CFAP52: variants seen among roughly 807,000 people sequenced by gnomAD.
The protein encoded by CFAP52 is cilia and flagella associated protein 52.
Under a neutral mutation model 70.5 loss-of-function variants are expected in CFAP52, and 57 were observed. The ratio of observed to expected loss-of-function variants is 0.81; its 90% CI spans 0.65 to 1.01. CFAP52 has a LOEUF of 1.01. CFAP52 is among the 50% of genes least tolerant of loss of function. The probability of loss-of-function intolerance (pLI) is 0.00; values close to 1 mark genes in which losing one functional copy is unlikely to be tolerated. For synonymous variants in CFAP52, 267 were observed against 292.5 expected, an observed-to-expected ratio of 0.91 and a Z score of 0.89; for missense variants, 785 against 788.5, an observed-to-expected ratio of 1.00 and a Z score of 0.05.
intron 1 of CFAP52, among the ~76,000 whole-genome samples, chr17:9,581,113 G>C (rs907200913): frequency 2.2e-4 from 33 of 152,164 alleles, no homozygotes; most frequent in African/African-American, 8.0e-4. Context: ...TCAGGAGATG[G>C]AAACCATCCT....
At chr17:9,641,909 G>A (rs72820038) in intron 13 of CFAP52, 74 bp downstream of exon 13, 22,084 of 1,349,330 alleles carry the variant, frequency 0.016, 231 homozygotes, top group Non-Finnish European at 0.02. Context: ...CCAGGCTAGA[G>A]GCAATTGGAA....
chr17:9,580,211 T>C (rs1295884950), intron 1 of CFAP52, among the ~76,000 whole-genome samples: 1 of 152,178 alleles, frequency 6.6e-6, no homozygotes, highest in African/African-American at 2.4e-5. Context: ...TGCCCATTTG[T>C]TTATGTATTG....
At chr17:9,584,388 G>A (rs1486941362) in intron 1 of CFAP52, 1 of 1,265,266 alleles carries the variant, frequency 7.9e-7, no homozygotes, top group Non-Finnish European at 1.0e-6. Flanking sequence ...ACTCAGAACT[G>A]AAACCGAAAG....
At chr17:9,594,597 T>C in intron 4 of CFAP52, 1 of 241,174 alleles carries the variant, frequency 4.1e-6, no homozygotes, top group East Asian at 1.0e-4. Flanking sequence ...CTCCAATCCA[T>C]GCTCACAGAA....
chr17:9,584,914 G>A (rs2151927218), intron 1 of CFAP52, among the ~76,000 whole-genome samples: 1 of 152,286 alleles, frequency 6.6e-6, no homozygotes, highest in Non-Finnish European at 1.5e-5. Flanking sequence ...GAGCAACCGT[G>A]CCTGGCCACA....
chr17:9,636,205 AAGAAAG>A (rs1181753764), intron 11 of CFAP52, among the ~76,000 whole-genome samples: 2 of 137,114 alleles, frequency 1.5e-5, no homozygotes, highest in Non-Finnish European at 3.1e-5. Flanking sequence ...GAAAGAAAGA[AAGAAAG>A]AAAGAAAGAA....
chr17:9,585,940 G>T lies in CFAP52; in HGVS notation c.238G>T (p.Ala80Ser), dbSNP rs141718755. 6.2e-7 allele frequency: 1 copy of T among 1,613,622 alleles called. No individual in the cohort carries two copies. The highest frequency in any genetic ancestry group is 1.1e-5 in the South Asian group (1 of 91,060). Residue 80 changes from alanine to serine, a missense_variant, in exon 2 of 14, where the codon GCC (alanine) becomes TCC (serine). By Grantham distance (99) the Ala-to-Ser change is moderately conservative. Transcript: ENST00000352665. Reference protein sequence around the residue: ...LAISRSGEYIASGQVTFMGFK... With the variant: ...LAISRSGEYISSGQVTFMGFK... ...CATCTCCAGGTCTGGAGAGTACATCGCCTCCGGACAAGTCACATTCATGGG... is the reference window on the plus strand; with the variant it reads ...CATCTCCAGGTCTGGAGAGTACATCTCCTCCGGACAAGTCACATTCATGGG...
intron 8 of CFAP52, among the ~76,000 whole-genome samples, chr17:9,627,006 C>G (rs184560330): frequency 6.6e-6 from 1 of 151,868 alleles, no homozygotes; most frequent in East Asian, 1.9e-4. Flanking sequence ...ACTTATGAAC[C>G]AAATGGTCTT....
At chr17:9,633,132 T>A in intron 10 of CFAP52, 99 bp downstream of exon 10, 1 of 1,394,640 alleles carries the variant, frequency 7.2e-7, no homozygotes, top group Non-Finnish European at 9.5e-7. Context: ...CCTTTGCTAG[T>A]ATTCAAGCAG....
rs200953170 is a variant in CFAP52, at chr17:9,612,445, C to T, written c.991C>T (p.His331Tyr). ...DFKETLIATC[H>Y]FDAVEDIVFP... Reference sequence around the variant, plus strand: ...CAAAGAGACGCTCATAGCGACTTGTCACTTTGATGCTGTCGAGGATATTGT... The same window carrying T: ...CAAAGAGACGCTCATAGCGACTTGTTACTTTGATGCTGTCGAGGATATTGT... Residue 331 changes from histidine (H) to tyrosine (Y), a missense_variant, in exon 8 of 14, where the codon CAC (histidine) becomes TAC (tyrosine). Transcript: ENST00000352665. 44 of 1,614,130 alleles carry T rather than the reference C, an allele frequency of 2.7e-5. No homozygotes were observed. The Middle Eastern group carries it at 4.9e-4, about 18-fold the overall frequency.
intron 4 of CFAP52, among the ~76,000 whole-genome samples, chr17:9,596,914 C>T (rs188943097): frequency 6.6e-6 from 1 of 152,208 alleles, no homozygotes; most frequent in East Asian, 1.9e-4. Flanking sequence ...ACGGGGTTTT[C>T]ACCATGTTGG....
intron 6 of CFAP52, among the ~76,000 whole-genome samples, chr17:9,603,104 C>T (rs1372922680): frequency 6.6e-6 from 1 of 152,154 alleles, no homozygotes; most frequent in African/African-American, 2.4e-5. Context: ...TTTTGTTTTC[C>T]TAGCACTTGG....
chr17:9,644,263 G>A (rs1369768832), downstream of CFAP52, among the ~76,000 whole-genome samples: 1 of 152,090 alleles, frequency 6.6e-6, no homozygotes, highest in Non-Finnish European at 1.5e-5. Flanking sequence ...GCGCCACCAC[G>A]CCTGGCTAAT....
intron 9 of CFAP52, among the ~76,000 whole-genome samples, chr17:9,630,800 A>G (rs1312315301): frequency 2.7e-5 from 4 of 149,838 alleles, no homozygotes; most frequent in African/African-American, 4.9e-5. Context: ...AGCCTGACCA[A>G]TATGGTGAAA....
At chr17:9,589,719 C>T (rs1395338180) in intron 3 of CFAP52, among the ~76,000 whole-genome samples, 4 of 125,840 alleles carry the variant, frequency 3.2e-5, no homozygotes, top group South Asian at 2.8e-4. Flanking sequence ...GGGACAAGAG[C>T]GAGACTCCGT....
chr17:9,630,985 C>CAAAAA lies in CFAP52; in HGVS notation c.1175-1899_1175-1895dup, dbSNP rs1238713027. On this transcript the variant is annotated intron_variant, in intron 9 of 13. Transcript: ENST00000352665. Reference sequence around the variant, plus strand: ...TGGGTAACAGAGCCAGACTCCATCTCAAAAAAAAGAAAGAAAGAAAGAAAG... The same window carrying CAAAAA: ...TGGGTAACAGAGCCAGACTCCATCTCAAAAAAAAAAAAAGAAAGAAAGAAAGAAAG... Among the ~76,000 whole-genome samples, 103 of 92,686 alleles carry CAAAAA rather than the reference C, an allele frequency of 1.1e-3. 2 individuals are homozygous for CAAAAA. Among genetic ancestry groups the CAAAAA allele is most frequent in the Middle Eastern group, 0.013 (2 of 156 alleles). The allele number at this position is 92,686 out of a possible 152,430, so 60.8% of individuals were successfully genotyped here. A position where few individuals can be genotyped will look rare whatever the true frequency, so the allele number is the denominator to read the frequency against.
chr17:9,638,694 A>G lies in CFAP52; in HGVS notation c.1558A>G (p.Ser520Gly). 6.2e-7 allele frequency: 1 copy of G among 1,614,152 alleles called. No individual in the cohort carries two copies. Among genetic ancestry groups the G allele is most frequent in the Non-Finnish European group, 8.5e-7 (1 of 1,180,008 alleles). ...CCCTGAGGAGTTCCAGATCATCACC[A>G]GCGGAACAGACAGAAAGGTGAGTCC... Reference protein sequence around the residue: ...YHPEEFQIITSGTDRKIAYWE... With the variant: ...YHPEEFQIITGGTDRKIAYWE... Residue 520 changes from serine to glycine, a missense_variant, in exon 12 of 14, where the codon AGC (serine) becomes GGC (glycine). Ser to Gly is a moderately conservative substitution (Grantham distance 56). Coordinates refer to ENST00000352665, the MANE Select transcript of CFAP52 (RefSeq NM_145054.5).
chr17:9,637,834 C>T (rs1910876397), intron 11 of CFAP52, among the ~76,000 whole-genome samples: 1 of 152,232 alleles, frequency 6.6e-6, no homozygotes, highest in African/African-American at 2.4e-5. Context: ...CTTGGCCTCC[C>T]ACAAGTGCTG....
At chr17:9,584,811 C>T (rs1460804686) in intron 1 of CFAP52, among the ~76,000 whole-genome samples, 4 of 151,924 alleles carry the variant, frequency 2.6e-5, no homozygotes, top group Non-Finnish European at 4.4e-5. Flanking sequence ...TTAGTAGAGA[C>T]CGGGTTTCAC....
Sources: allele counts gnomAD v4.1 joint callset (sites outside exome capture counted in the v4.1 genomes callset), GRCh38; gene constraint gnomAD v4.1.1; transcripts MANE v1.5; gene names NCBI Gene and HGNC (gene_info 2026-07-23, HGNC 2026-07-21).